CDH13: variants seen among roughly 807,000 people sequenced by gnomAD.
The protein encoded by CDH13 is cadherin 13, also known as cadherin-13.
Under a neutral mutation model 63.8 loss-of-function variants are expected in CDH13, and 24 were observed. The ratio of observed to expected loss-of-function variants is 0.38; its 90% CI spans 0.27 to 0.53. CDH13 has a LOEUF of 0.53. CDH13 is among the 20% of genes least tolerant of loss of function. The probability of loss-of-function intolerance (pLI) is 0.85; values close to 1 mark genes in which losing one functional copy is unlikely to be tolerated. For synonymous variants in CDH13, 503 were observed against 355.3 expected (o/e 1.42, Z -4.67); for missense variants, 1,049 against 903.1 (o/e 1.16, Z -2.07).
At chr16:83,779,895 A>T in intron 11 of CDH13, 73 bp from the exon 12 acceptor site, 1 of 970,652 alleles carries the variant, frequency 1.0e-6, no homozygotes, top group Non-Finnish European at 1.6e-6. Context: ...TAAGTTTACA[A>T]TGCAAAAAGT....
intron 6 of CDH13, among the ~76,000 whole-genome samples, chr16:83,390,144 T>C (rs908501045): frequency 1.3e-5 from 2 of 152,104 alleles, no homozygotes; most frequent in African/African-American, 4.8e-5. Context: ...CCCCAGAAAA[T>C]CTTCAGACCC....
intron 6 of CDH13, among the ~76,000 whole-genome samples, chr16:83,419,548 A>C (rs923055548): frequency 6.6e-6 from 1 of 152,178 alleles, no homozygotes; most frequent in Non-Finnish European, 1.5e-5. Context: ...AACAATTGCC[A>C]TGCTCTACCA....
At chr16:83,589,733 A>G (rs572807325) in intron 7 of CDH13, among the ~76,000 whole-genome samples, 74 of 152,246 alleles carry the variant, frequency 4.9e-4, no homozygotes, top group African/African-American at 1.7e-3. Flanking sequence ...GTGTGAAGGG[A>G]AAATTGCTAT....
intron 8 of CDH13, among the ~76,000 whole-genome samples, chr16:83,623,560 A>G (rs1485191997): frequency 2.6e-5 from 4 of 152,130 alleles, no homozygotes; most frequent in Non-Finnish European, 4.4e-5. Flanking sequence ...TCTAACAAAC[A>G]GCACTTTTTC....
At chr16:83,200,833 C>T (rs1223302900) in intron 4 of CDH13, among the ~76,000 whole-genome samples, 3 of 151,882 alleles carry the variant, frequency 2.0e-5, no homozygotes, top group Non-Finnish European at 1.5e-5. Context: ...GCCAGAGCTT[C>T]AGAGGAAGAG....
chr16:83,614,365 A>T (rs1322454416), intron 8 of CDH13, among the ~76,000 whole-genome samples: 6 of 152,172 alleles, frequency 3.9e-5, no homozygotes, highest in Non-Finnish European at 8.8e-5. Flanking sequence ...GGGCTCCTCC[A>T]CTTTGGCCGA....
At chr16:82,845,306 T>C (rs1201118449) in intron 1 of CDH13, among the ~76,000 whole-genome samples, 1 of 152,166 alleles carries the variant, frequency 6.6e-6, no homozygotes, top group African/African-American at 2.4e-5. Context: ...GGGCTGTCCA[T>C]AGGAGCATTA....
At chr16:82,941,489 A>C (rs1904286211) in intron 2 of CDH13, among the ~76,000 whole-genome samples, 1 of 152,212 alleles carries the variant, frequency 6.6e-6, no homozygotes, top group Admixed American at 6.5e-5. Flanking sequence ...TTTACATTGC[A>C]CAATCCACGT....
intron 6 of CDH13, among the ~76,000 whole-genome samples, chr16:83,384,956 T>A (rs1403268660): frequency 6.6e-6 from 1 of 152,226 alleles, no homozygotes; most frequent in Non-Finnish European, 1.5e-5. Context: ...AAGGCACCAA[T>A]GTATATTTTT....
At chr16:82,934,966 G>A (rs1218456563) in intron 2 of CDH13, among the ~76,000 whole-genome samples, 1 of 152,126 alleles carries the variant, frequency 6.6e-6, no homozygotes, top group Non-Finnish European at 1.5e-5. Context: ...ACCTCTGCCT[G>A]TTACACAGTT....
intron 7 of CDH13, among the ~76,000 whole-genome samples, chr16:83,501,966 A>G (rs1238329882): frequency 6.6e-6 from 1 of 152,154 alleles, no homozygotes; most frequent in Admixed American, 6.5e-5. Flanking sequence ...GGAATTCACA[A>G]ATGTGAATCT....
chr16:82,686,563 A>G (rs3891658), intron 1 of CDH13, among the ~76,000 whole-genome samples: 6,132 of 152,298 alleles, frequency 0.04, 255 homozygotes, highest in East Asian at 0.14. Flanking sequence ...CTCACTGACT[A>G]TGGAAGATGA....
At chr16:83,616,827 A>G (rs1425950488) in intron 8 of CDH13, among the ~76,000 whole-genome samples, 1 of 152,172 alleles carries the variant, frequency 6.6e-6, no homozygotes, top group East Asian at 1.9e-4. Context: ...GGTTTCAAAC[A>G]CTGTCCACCT....
chr16:83,355,970 A>G (rs2091044958), intron 6 of CDH13, among the ~76,000 whole-genome samples: 1 of 152,160 alleles, frequency 6.6e-6, no homozygotes, highest in African/African-American at 2.4e-5. Context: ...AATTGAGGAA[A>G]CAGACACTCA....
chr16:83,738,556 G>A (rs964212790), intron 10 of CDH13, among the ~76,000 whole-genome samples: 6 of 152,152 alleles, frequency 3.9e-5, no homozygotes, highest in Admixed American at 6.5e-5. Context: ...GCCTACAAGA[G>A]CATGTTTTCT....
chr16:83,791,114 T>C (rs2151020328), intron 13 of CDH13, among the ~76,000 whole-genome samples: 1 of 151,426 alleles, frequency 6.6e-6, no homozygotes, highest in African/African-American at 2.4e-5. Context: ...GGCTGGGAGT[T>C]TGAGACCAGC....
intron 5 of CDH13, among the ~76,000 whole-genome samples, 179 bp downstream of exon 5, chr16:83,217,676 G>A (rs1413040408): frequency 1.3e-5 from 2 of 152,128 alleles, no homozygotes; most frequent in African/African-American, 4.8e-5. Context: ...ACAGTGGGGG[G>A]TCTTTATCTC....
At chr16:83,019,133 A>G (rs1261612744) in intron 2 of CDH13, among the ~76,000 whole-genome samples, 1 of 152,224 alleles carries the variant, frequency 6.6e-6, no homozygotes, top group African/African-American at 2.4e-5. Flanking sequence ...ATAAACTTTA[A>G]TTTTTTAACT....
At chr16:83,482,728 T>C (rs371902916) in intron 6 of CDH13, among the ~76,000 whole-genome samples, 2 of 152,188 alleles carry the variant, frequency 1.3e-5, no homozygotes, top group Admixed American at 6.5e-5. Flanking sequence ...CGTGGAGACA[T>C]GGTGTAGACT....
Sources: allele counts gnomAD v4.1 joint callset (sites outside exome capture counted in the v4.1 genomes callset), GRCh38; gene constraint gnomAD v4.1.1; transcripts MANE v1.5; gene names NCBI Gene and HGNC (gene_info 2026-07-23, HGNC 2026-07-21).